Variants in SMG6 observed in about 807,000 individuals in gnomAD.
The protein encoded by SMG6 is telomerase-binding protein EST1A.
SMG6 carries 66 observed loss-of-function variants against 142.2 expected under a neutral mutation model. That is an observed-to-expected ratio of 0.46 (90% CI 0.38 to 0.57). The LOEUF is 0.57. Ranked by LOEUF, SMG6 falls within the 20% of genes least tolerant of loss-of-function variation. The probability of loss-of-function intolerance (pLI) is 0.00; values close to 1 mark genes in which losing one functional copy is unlikely to be tolerated. For synonymous variants in SMG6, 779 were observed against 702.4 expected (o/e 1.11, Z -1.72); for missense variants, 1,793 against 1,832.0 (o/e 0.98, Z 0.39).
chr17:2,289,925 T>A (rs889641191), intron 6 of SMG6, among the ~76,000 whole-genome samples: 4 of 127,494 alleles, frequency 3.1e-5, no homozygotes, highest in Admixed American at 1.6e-4. Flanking sequence ...CAAAAAAAAA[T>A]AATTATTATT....
In SMG6 at chr17:2,300,047, C is replaced by G. The variant is rs755146682; in HGVS notation, c.706G>C (p.Gly236Arg). The part of the protein sequence containing the change: ...VRETHDDPAR[G>R]RPGSAKRYSR... The stretch of plus-strand genomic sequence containing the variant: ...TAGCGCTTTGCGGAGCCCGGCCTCC[C>G]GCGGGCTGGGTCGTCGTGGGTTTCC... Residue 236 changes from glycine (G) to arginine (R), a missense_variant, in exon 2 of 19, where the codon GGG becomes CGG. Physicochemically the swap from Gly to Arg is moderately radical, Grantham distance 125. Coordinates refer to ENST00000263073, the MANE Select transcript of SMG6 (RefSeq NM_017575.5). 2.5e-6 allele frequency: 4 copies of G among 1,614,180 alleles called. No individual in the cohort carries two copies. The highest frequency in any genetic ancestry group is 2.2e-5 in the South Asian group (2 of 91,088).
chr17:2,263,676 AAG>A (rs1326257252), intron 8 of SMG6, among the ~76,000 whole-genome samples: 1 of 152,204 alleles, frequency 6.6e-6, no homozygotes, highest in Non-Finnish European at 1.5e-5. Flanking sequence ...GGAGAAAAAA[AAG>A]AGCACAGTTC....
intron 10 of SMG6, among the ~76,000 whole-genome samples, chr17:2,204,937 T>A (rs1416420879): frequency 6.6e-6 from 1 of 151,784 alleles, no homozygotes; most frequent in Non-Finnish European, 1.5e-5. Flanking sequence ...CACTCCAGCC[T>A]GGGCAACAGA....
chr17:2,212,126 G>A (rs1255200300), intron 10 of SMG6, among the ~76,000 whole-genome samples: 1 of 152,204 alleles, frequency 6.6e-6, no homozygotes, highest in Non-Finnish European at 1.5e-5. Flanking sequence ...ATGGTTTACT[G>A]CACTGGAAAA....
intron 13 of SMG6, among the ~76,000 whole-genome samples, chr17:2,149,306 C>T (rs1484618809): frequency 7.8e-6 from 1 of 127,614 alleles, no homozygotes; most frequent in African/African-American, 3.1e-5. Flanking sequence ...GCCGAGATCA[C>T]ACCACTACAC....
At chr17:2,064,458 C>G (rs766966782) in intron 18 of SMG6, among the ~76,000 whole-genome samples, 6 of 152,134 alleles carry the variant, frequency 3.9e-5, no homozygotes, top group Admixed American at 1.3e-4. Flanking sequence ...TCTTGAAAAC[C>G]GGGCTGAGGG....
At chr17:2,131,759 C>T (rs1201856251) in intron 13 of SMG6, among the ~76,000 whole-genome samples, 1 of 152,104 alleles carries the variant, frequency 6.6e-6, no homozygotes, top group Non-Finnish European at 1.5e-5. Flanking sequence ...TTCAGACTTG[C>T]AAATCAATAA....
At chr17:2,128,834 AG>A (rs1286032265) in intron 13 of SMG6, among the ~76,000 whole-genome samples, 49 of 144,674 alleles carry the variant, frequency 3.4e-4, no homozygotes, top group East Asian at 9.8e-4. Context: ...AAAAAAAAAA[AG>A]AGAGAGAGAG....
chr17:2,119,201 GCA>G (rs2069604865), intron 13 of SMG6, among the ~76,000 whole-genome samples: 4 of 151,946 alleles, frequency 2.6e-5, no homozygotes, highest in Non-Finnish European at 4.4e-5. Flanking sequence ...GGGATTATAG[GCA>G]TGTGCCACCA....
chr17:2,117,454 A>C (rs1051882782), intron 13 of SMG6, among the ~76,000 whole-genome samples: 1 of 152,260 alleles, frequency 6.6e-6, no homozygotes, highest in African/African-American at 2.4e-5. Flanking sequence ...AAATGTCTTT[A>C]GGATTGAAGG....
At chr17:2,161,085 G>C (rs961491016) in intron 13 of SMG6, among the ~76,000 whole-genome samples, 4 of 150,472 alleles carry the variant, frequency 2.7e-5, no homozygotes, top group Non-Finnish European at 5.9e-5. Context: ...AGGCAGGTAG[G>C]CATGCTCACA....
At chr17:2,157,323 T>C (rs2071038179) in intron 13 of SMG6, among the ~76,000 whole-genome samples, 1 of 152,244 alleles carries the variant, frequency 6.6e-6, no homozygotes, top group South Asian at 2.1e-4. Flanking sequence ...GGCCTCGCTC[T>C]GTTTTCGATG....
At chr17:2,183,075 A>G (rs1190289623) in intron 12 of SMG6, among the ~76,000 whole-genome samples, 1 of 151,948 alleles carries the variant, frequency 6.6e-6, no homozygotes, top group Non-Finnish European at 1.5e-5. Context: ...AAAATACAAA[A>G]AGTTAGCCGG....
chr17:2,267,452 C>G (rs1374149437), intron 8 of SMG6, among the ~76,000 whole-genome samples: 1 of 152,110 alleles, frequency 6.6e-6, no homozygotes, highest in African/African-American at 2.4e-5. Context: ...CCTGCCTCAG[C>G]CTCCCAATGT....
chr17:2,273,392 G>A (rs1312286018), intron 8 of SMG6, among the ~76,000 whole-genome samples: 2 of 152,158 alleles, frequency 1.3e-5, no homozygotes, highest in African/African-American at 4.8e-5. Flanking sequence ...TGGGGACAGT[G>A]GCTCACGCCT....
At chr17:2,100,686 G>C (rs1294482021) in intron 13 of SMG6, among the ~76,000 whole-genome samples, 1 of 152,100 alleles carries the variant, frequency 6.6e-6, no homozygotes, top group Non-Finnish European at 1.5e-5. Context: ...TGGGAATACA[G>C]GCGCACACCA....
intron 13 of SMG6, among the ~76,000 whole-genome samples, chr17:2,123,972 GC>G (rs2069787914): frequency 6.6e-6 from 1 of 152,188 alleles, no homozygotes; most frequent in Non-Finnish European, 1.5e-5. Flanking sequence ...ACACTGAGAG[GC>G]CAGCTTCTTG....
chr17:2,277,240 C>T (rs2074679749), intron 8 of SMG6, among the ~76,000 whole-genome samples: 1 of 148,804 alleles, frequency 6.7e-6, no homozygotes, highest in South Asian at 2.1e-4. Context: ...GATCTCGGCT[C>T]ACTGCAAGCT....
chr17:2,181,233 A>T (rs2071796910), intron 12 of SMG6, among the ~76,000 whole-genome samples: 2 of 152,226 alleles, frequency 1.3e-5, no homozygotes, highest in African/African-American at 4.8e-5. Flanking sequence ...TATGGGAAAC[A>T]AAAGAAGGAA....
Sources: allele counts gnomAD v4.1 joint callset (sites outside exome capture counted in the v4.1 genomes callset), GRCh38; gene constraint gnomAD v4.1.1; transcripts MANE v1.5; gene names NCBI Gene and HGNC (gene_info 2026-07-23, HGNC 2026-07-21).